Variants in PXDNL observed in about 807,000 individuals in gnomAD.
PXDNL encodes the protein probable oxidoreductase PXDNL.
Under a neutral mutation model 150.8 loss-of-function variants are expected in PXDNL, and 145 were observed. The ratio of observed to expected loss-of-function variants is 0.96; its 90% confidence interval spans 0.84 to 1.10. The LOEUF (loss-of-function observed/expected upper bound fraction) is 1.10. Ranked by LOEUF, PXDNL falls within the 50% of genes least tolerant of loss-of-function variation. PXDNL has a pLI of 0.00. For missense variants in PXDNL, 2,087 were observed against 1,873.9 expected (o/e 1.11, Z -2.10); for synonymous variants, 757 against 725.7 (o/e 1.04, Z -0.69).
In PXDNL at chr8:51,472,213, T is replaced by G. The variant is rs754606684; in HGVS notation, c.786A>C (p.Lys262Asn). The G allele has an allele frequency of 1.2e-6, 2 of 1,612,570 alleles. No individual in the cohort carries two copies. Among genetic ancestry groups the G allele is most frequent in the Admixed American group, 1.7e-5 (1 of 59,966 alleles). The change falls in exon 8 of 23, where the codon AAA (lysine) becomes AAC (asparagine). Residue 262 changes from lysine to asparagine, a missense_variant. Physicochemically the swap from Lys to Asn is moderately conservative, Grantham distance 94. Coordinates refer to ENST00000356297, the MANE Select transcript of PXDNL (RefSeq NM_144651.5). The part of the protein sequence containing the change: ...YFTCRAEGNP[K>N]PEIIWIHNNH... ...TGTTGTGTATCCAAATAATCTCAGG[T>G]TTGGGGTTTCCTTCCGCCCGGCAGG...
chr8:51,421,749 T>C (rs896960621), intron 14 of PXDNL, among the ~76,000 whole-genome samples: 3 of 152,274 alleles, frequency 2.0e-5, no homozygotes, highest in Non-Finnish European at 4.4e-5. Flanking sequence ...TTAGGACAAA[T>C]ATTTGCCGGT....
At chr8:51,336,283 G>T (rs1805828135) in intron 21 of PXDNL, among the ~76,000 whole-genome samples, 1 of 152,120 alleles carries the variant, frequency 6.6e-6, no homozygotes. Flanking sequence ...AAAACAAAGG[G>T]TTTTTGTAAA....
In PXDNL at chr8:51,711,526, A is replaced by G. The variant is rs183955537; in HGVS notation, c.165-56766T>C. On this transcript the variant is annotated intron_variant, in intron 1 of 22. Coordinates refer to ENST00000356297, the MANE Select transcript of PXDNL (RefSeq NM_144651.5). ...TCTTCAAATTATAAACATTACAAAG[A>G]TCTAATACAGTTGAGAGTTTGTCAT... 2.6e-5 allele frequency among the ~76,000 whole-genome samples: 4 copies of G among 152,322 alleles called. No homozygotes were observed. In the East Asian group the frequency reaches 7.7e-4, roughly 29 times the overall value.
chr8:51,750,790 G>A (rs2037038542), intron 1 of PXDNL, among the ~76,000 whole-genome samples: 2 of 152,132 alleles, frequency 1.3e-5, no homozygotes, highest in South Asian at 4.1e-4. Context: ...CTTTATCATA[G>A]GTATGTACGT....
At chr8:51,556,753 G>T (rs1450154054) in intron 4 of PXDNL, 87 bp downstream of exon 4, 2 of 731,836 alleles carry the variant, frequency 2.7e-6, no homozygotes, top group Admixed American at 4.6e-5. Flanking sequence ...TAAAATAATT[G>T]TTCAACTATC....
chr8:51,600,218 C>T lies in PXDNL; in HGVS notation c.237-7520G>A, dbSNP rs894691014. Among the ~76,000 whole-genome samples, 305 of 117,030 alleles carry T rather than the reference C, an allele frequency of 2.6e-3. 6 individuals are homozygous for T. Among genetic ancestry groups the T allele is most frequent in the African/African-American group, 9.5e-3 (279 of 29,322 alleles). The allele number at this position is 117,030 out of a possible 152,430, so 76.8% of individuals were successfully genotyped here. A position where few individuals can be genotyped will look rare whatever the true frequency, so the allele number is the denominator to read the frequency against. On this transcript the variant is annotated intron_variant, in intron 2 of 22. Coordinates refer to ENST00000356297, the MANE Select transcript of PXDNL (RefSeq NM_144651.5). ...ATCGTTTAGATAATAAATTATATCTCATATAAATTATATCGTTTAGATAAT... is the reference window on the plus strand; with the variant it reads ...ATCGTTTAGATAATAAATTATATCTTATATAAATTATATCGTTTAGATAAT...
intron 21 of PXDNL, among the ~76,000 whole-genome samples, chr8:51,331,809 C>G (rs1040614507): frequency 6.6e-6 from 1 of 152,114 alleles, no homozygotes; most frequent in Admixed American, 6.5e-5. Flanking sequence ...GAATCTCATC[C>G]CCATCCCCCA....
At chr8:51,522,931 T>A (rs1162851876) in intron 4 of PXDNL, among the ~76,000 whole-genome samples, 1 of 152,158 alleles carries the variant, frequency 6.6e-6, no homozygotes, top group African/African-American at 2.4e-5. Context: ...AAATACTTTA[T>A]CTTTGTGGGA....
At chr8:51,741,418 T>C (rs1408497919) in intron 1 of PXDNL, among the ~76,000 whole-genome samples, 3 of 125,844 alleles carry the variant, frequency 2.4e-5, no homozygotes, top group Non-Finnish European at 5.0e-5. Context: ...CCCTTTACCA[T>C]TATGTAATGT....
chr8:51,327,547 A>G (rs79507666), intron 21 of PXDNL, among the ~76,000 whole-genome samples: 4,798 of 152,316 alleles, frequency 0.032, 241 homozygotes, highest in African/African-American at 0.11. Flanking sequence ...TAAAGTCAAG[A>G]GCACTCCAAG....
chr8:51,793,238 TCTGA>T (rs1314919538), intron 1 of PXDNL, among the ~76,000 whole-genome samples: 11 of 151,934 alleles, frequency 7.2e-5, no homozygotes, highest in African/African-American at 1.9e-4. Context: ...GAAAGAGGGG[TCTGA>T]CTGTTAACAA....
intron 19 of PXDNL, among the ~76,000 whole-genome samples, chr8:51,359,174 G>A (rs1168845644): frequency 6.6e-6 from 1 of 152,090 alleles, no homozygotes; most frequent in Non-Finnish European, 1.5e-5. Flanking sequence ...CACTGTCCAT[G>A]AAAGGGTCCC....
intron 1 of PXDNL, among the ~76,000 whole-genome samples, chr8:51,774,345 C>T (rs2037329052): frequency 6.6e-6 from 1 of 151,970 alleles, no homozygotes; most frequent in Non-Finnish European, 1.5e-5. Context: ...ATATTTTTTA[C>T]TAACTATCAT....
At chr8:51,650,126 A>G (rs1815003345) in intron 2 of PXDNL, among the ~76,000 whole-genome samples, 1 of 143,208 alleles carries the variant, frequency 7.0e-6, no homozygotes, top group East Asian at 2.1e-4. Context: ...AAAAAATTCC[A>G]GTTAGTCACC....
intron 1 of PXDNL, among the ~76,000 whole-genome samples, chr8:51,744,675 CAAAA>C (rs34751949): frequency 1.0e-4 from 4 of 38,860 alleles, no homozygotes; most frequent in Admixed American, 4.8e-4. Flanking sequence ...GACTCCATCT[CAAAA>C]AAAAAAAAAA....
chr8:51,534,207 C>G (rs1476078625), intron 4 of PXDNL, among the ~76,000 whole-genome samples: 1 of 138,902 alleles, frequency 7.2e-6, no homozygotes, highest in South Asian at 2.2e-4. Flanking sequence ...GCGTCTCTGC[C>G]CGGCCGCCCC....
At chr8:51,740,124 A>G (rs2036888428) in intron 1 of PXDNL, among the ~76,000 whole-genome samples, 1 of 151,782 alleles carries the variant, frequency 6.6e-6, no homozygotes, top group African/African-American at 2.4e-5. Flanking sequence ...ACTACGTCCC[A>G]AATCGATCCT....
intron 2 of PXDNL, among the ~76,000 whole-genome samples, chr8:51,652,430 C>G (rs1430936207): frequency 1.4e-5 from 2 of 143,708 alleles, no homozygotes; most frequent in Admixed American, 6.9e-5. Context: ...CTGTCTCTCT[C>G]TCTCTCTCTC....
intron 10 of PXDNL, among the ~76,000 whole-genome samples, chr8:51,451,440 A>G (rs1809807024): frequency 6.6e-6 from 1 of 152,222 alleles, no homozygotes; most frequent in Non-Finnish European, 1.5e-5. Context: ...CTTTCCATTT[A>G]AAATGATGGC....
Sources: gnomAD v4.1 joint callset for allele counts (sites outside exome capture counted in the v4.1 genomes callset) on GRCh38, gnomAD v4.1.1 for gene constraint, MANE v1.5 for transcripts, NCBI Gene and HGNC (gene_info 2026-07-23, HGNC 2026-07-21) for gene names.